ARHGAP12: variants seen among roughly 807,000 people sequenced by gnomAD.
The protein encoded by ARHGAP12 is rho GTPase-activating protein 12.
A neutral mutation model predicts 108.6 loss-of-function variants in ARHGAP12; 64 were observed. The ratio of observed to expected loss-of-function variants is 0.59; its 90% CI spans 0.48 to 0.73. The LOEUF (loss-of-function observed/expected upper bound fraction) is 0.73, where lower values mean the gene tolerates loss of function less well. Among genes scored for constraint, ARHGAP12 ranks in the 30% least tolerant of loss-of-function variants. ARHGAP12 has a pLI of 0.00. For missense variants in ARHGAP12, 940 were observed against 1,005.9 expected, an observed-to-expected ratio of 0.93 and a Z score of 0.89; for synonymous variants, 312 against 337.2, an observed-to-expected ratio of 0.93 and a Z score of 0.82.
chr10:31,830,166 A>G (rs192314362), intron 10 of ARHGAP12, among the ~76,000 whole-genome samples: 1 of 152,306 alleles, frequency 6.6e-6, no homozygotes, highest in Admixed American at 6.5e-5. Flanking sequence ...ATCTGTAGAT[A>G]TAACCTATAA....
intron 8 of ARHGAP12, 134 bp downstream of exon 8, chr10:31,839,503 G>T: frequency 8.9e-7 from 1 of 1,121,598 alleles, no homozygotes; most frequent in Non-Finnish European, 1.2e-6. Flanking sequence ...AACTTATTTT[G>T]ATTGTGATTT....
chr10:31,865,855 G>A (rs1837304167), intron 3 of ARHGAP12, among the ~76,000 whole-genome samples: 2 of 149,676 alleles, frequency 1.3e-5, no homozygotes, highest in Admixed American at 1.3e-4. Flanking sequence ...TCCAGCCTGG[G>A]CGACTGAGCA....
intron 7 of ARHGAP12, among the ~76,000 whole-genome samples, chr10:31,840,244 A>G (rs1836208613): frequency 6.6e-6 from 1 of 152,044 alleles, no homozygotes; most frequent in Non-Finnish European, 1.5e-5. Flanking sequence ...TAGAAATAAG[A>G]TATTTTAAAT....
chr10:31,907,336 G>GA (rs199997927), intron 3 of ARHGAP12, among the ~76,000 whole-genome samples: 33 of 141,656 alleles, frequency 2.3e-4, no homozygotes, highest in African/African-American at 6.5e-4. Flanking sequence ...GGTTTAAAAA[G>GA]AAAAAAAAAA....
intron 13 of ARHGAP12, among the ~76,000 whole-genome samples, chr10:31,817,200 C>CT (rs1835235692): frequency 6.6e-6 from 1 of 151,564 alleles, no homozygotes; most frequent in South Asian, 2.1e-4. Context: ...TGGCGAGACT[C>CT]TGTTTCAAAA....
intron 7 of ARHGAP12, among the ~76,000 whole-genome samples, chr10:31,842,852 T>G (rs1260003819): frequency 6.6e-6 from 1 of 152,082 alleles, no homozygotes; most frequent in Non-Finnish European, 1.5e-5. Context: ...ACACTGTGAA[T>G]AAGTAACCTC....
chr10:31,809,077 G>A lies in ARHGAP12; in HGVS notation c.2180C>T (p.Thr727Ile). 1 of 1,613,164 alleles carries A rather than the reference G, an allele frequency of 6.2e-7. No individual in the cohort carries two copies. Among genetic ancestry groups the A allele is most frequent in the Non-Finnish European group, 8.5e-7 (1 of 1,179,408 alleles). The change falls in exon 18 of 20, where the codon ACT becomes ATT. Residue 727 changes from threonine to isoleucine, a missense_variant. Physicochemically the swap from Thr to Ile is moderately conservative, Grantham distance 89. Coordinates refer to ENST00000344936, the MANE Select transcript of ARHGAP12 (RefSeq NM_018287.7). ...TCGAAAAAACATTTTGAGGGCTCCA[G>A]TAATGACATGAATATCTTCCCATTT... Reference protein sequence around the residue: ...DSKWEDIHVITGALKMFFREL... With the variant: ...DSKWEDIHVIIGALKMFFREL...
chr10:31,911,357 G>A (rs906270048), intron 1 of ARHGAP12, among the ~76,000 whole-genome samples: 11 of 152,106 alleles, frequency 7.2e-5, no homozygotes, highest in African/African-American at 1.2e-4. Flanking sequence ...ACTCTGTCAC[G>A]GAGGCTGGAG....
rs550090115 is a variant in ARHGAP12 at position 31,893,411 on chromosome 10, G to A, written c.684+14761C>T. 5.8e-4 allele frequency among the ~76,000 whole-genome samples: 88 copies of A among 152,158 alleles called. 1 individual carries two copies. Among genetic ancestry groups the A allele is most frequent in the South Asian group, 5.0e-3 (24 of 4,818 alleles). On this transcript the variant is annotated intron_variant, in intron 3 of 19. Coordinates refer to ENST00000344936, the MANE Select transcript of ARHGAP12 (RefSeq NM_018287.7). ...AGACGCAATAAAAAATGATAAAGGG[G>A]ATATCACCACCGATCCCACAGAAAT...
chr10:31,923,486 T>C (rs985752688), intron 1 of ARHGAP12, among the ~76,000 whole-genome samples: 2 of 152,214 alleles, frequency 1.3e-5, no homozygotes, highest in African/African-American at 2.4e-5. Context: ...TTAAAGCATA[T>C]GTAGACACAA....
At chr10:31,852,115 A>G (rs1836704069) in intron 6 of ARHGAP12, among the ~76,000 whole-genome samples, 1 of 152,214 alleles carries the variant, frequency 6.6e-6, no homozygotes, top group Non-Finnish European at 1.5e-5. Flanking sequence ...CACACCATTT[A>G]CATAAGAGGA....
chr10:31,817,310 G>T (rs749029562), intron 13 of ARHGAP12, among the ~76,000 whole-genome samples: 1 of 152,068 alleles, frequency 6.6e-6, no homozygotes, highest in Non-Finnish European at 1.5e-5. Context: ...TAAAGAAGAA[G>T]AAATATACTA....
At chr10:31,847,348 G>C (rs1836500742) in intron 6 of ARHGAP12, among the ~76,000 whole-genome samples, 1 of 152,080 alleles carries the variant, frequency 6.6e-6, no homozygotes, top group African/African-American at 2.4e-5. Context: ...TATTTTAGCA[G>C]GTTGTGAACC....
chr10:31,831,875 A>G, intron 9 of ARHGAP12, 75 bp from the exon 10 acceptor site: 4 of 844,468 alleles, frequency 4.7e-6, no homozygotes, highest in Non-Finnish European at 7.1e-6. Flanking sequence ...GACTGAACCA[A>G]CATGGTCTCG....
At chr10:31,815,181 A>C (rs1021710855) in intron 13 of ARHGAP12, among the ~76,000 whole-genome samples, 32 of 152,226 alleles carry the variant, frequency 2.1e-4, no homozygotes, top group African/African-American at 7.7e-4. Context: ...CTCATCTATA[A>C]CTAAGGTCGC....
chr10:31,845,243 C>T (rs1458489250), intron 6 of ARHGAP12, among the ~76,000 whole-genome samples: 1 of 152,126 alleles, frequency 6.6e-6, no homozygotes, highest in African/African-American at 2.4e-5. Flanking sequence ...GAACTCTCAT[C>T]AGTTTTAAGT....
At chr10:31,920,286 C>T (rs530332214) in intron 1 of ARHGAP12, among the ~76,000 whole-genome samples, 3 of 151,212 alleles carry the variant, frequency 2.0e-5, no homozygotes, top group African/African-American at 7.3e-5. Context: ...CCTCACTCTA[C>T]TAAAAATACA....
chr10:31,910,923 T>C (rs1444562107), intron 1 of ARHGAP12, among the ~76,000 whole-genome samples: 4 of 152,240 alleles, frequency 2.6e-5, no homozygotes, highest in African/African-American at 9.6e-5. Flanking sequence ...TTCAAGTTTA[T>C]GTATTGAATG....
intron 3 of ARHGAP12, among the ~76,000 whole-genome samples, chr10:31,867,494 A>G (rs578134089): frequency 1.3e-5 from 2 of 152,302 alleles, no homozygotes; most frequent in African/African-American, 4.8e-5. Flanking sequence ...CATATGCACA[A>G]AATATATATT....
Sources: allele counts gnomAD v4.1 joint callset (sites outside exome capture counted in the v4.1 genomes callset), GRCh38; gene constraint gnomAD v4.1.1; transcripts MANE v1.5; gene names NCBI Gene and HGNC (gene_info 2026-07-23, HGNC 2026-07-21).